ZC2HC1A: variants seen among roughly 807,000 people sequenced by gnomAD.
The protein encoded by ZC2HC1A is zinc finger C2HC domain-containing protein 1A.
Under a neutral mutation model 40.7 loss-of-function variants are expected in ZC2HC1A, and 28 were observed. The ratio of observed to expected loss-of-function variants is 0.69; its 90% CI spans 0.51 to 0.94. The LOEUF is 0.94. ZC2HC1A is among the 40% of genes least tolerant of loss of function. The pLI, the probability that ZC2HC1A is intolerant of heterozygous loss-of-function variation, is 0.00. For missense variants in ZC2HC1A, 389 were observed against 386.3 expected, an observed-to-expected ratio of 1.01 and a Z score of -0.06; for synonymous variants, 129 against 129.2, an observed-to-expected ratio of 1.00 and a Z score of 0.01.
intron 7 of ZC2HC1A, among the ~76,000 whole-genome samples, chr8:78,708,493 C>T (rs751114600): frequency 1.3e-5 from 2 of 151,710 alleles, no homozygotes; most frequent in African/African-American, 4.8e-5. Flanking sequence ...GCCTGGGCAA[C>T]ATAGTAAGAA....
chr8:78,683,883 T>G (rs2130471938), intron 3 of ZC2HC1A, among the ~76,000 whole-genome samples: 1 of 152,332 alleles, frequency 6.6e-6, no homozygotes, highest in Admixed American at 6.5e-5. Flanking sequence ...CAGATCTCTA[T>G]TGCAACAGCA....
At chr8:78,708,538 C>A (rs968992976) in intron 7 of ZC2HC1A, among the ~76,000 whole-genome samples, 1 of 151,698 alleles carries the variant, frequency 6.6e-6, no homozygotes, top group Non-Finnish European at 1.5e-5. Context: ...ACAAAAACAA[C>A]CTTTTTAAAC....
At chr8:78,706,767 A>G (rs1035258887) in intron 7 of ZC2HC1A, among the ~76,000 whole-genome samples, 1 of 152,166 alleles carries the variant, frequency 6.6e-6, no homozygotes, top group Non-Finnish European at 1.5e-5. Flanking sequence ...TATGTGGGAA[A>G]TATATACAAA....
At chr8:78,667,630 G>T (rs937101756) in intron 1 of ZC2HC1A, among the ~76,000 whole-genome samples, 4 of 152,080 alleles carry the variant, frequency 2.6e-5, no homozygotes, top group Admixed American at 2.0e-4. Context: ...CTGACACAAA[G>T]TAGGTACTCA....
At chr8:78,691,984 T>C (rs770428235) in intron 5 of ZC2HC1A, among the ~76,000 whole-genome samples, 6 of 152,192 alleles carry the variant, frequency 3.9e-5, no homozygotes, top group Non-Finnish European at 8.8e-5. Context: ...GTGCAATGAC[T>C]AAATCAAGCT....
rs1353359304 is a variant in ZC2HC1A, at chr8:78,719,596, G to T, written c.*2103G>T. On this transcript the variant is annotated 3_prime_UTR_variant, in exon 9 of 9. Transcript: ENST00000263849. ...TTGACAGTATGGTAGAATAAAAGAT[G>T]ATTGTAAGATTAAAAATGTAAAAAT... 2 of 151,718 alleles carry T rather than the reference G, an allele frequency of 1.3e-5. No homozygotes were observed. The highest frequency in any genetic ancestry group is 4.8e-5 in the African/African-American group (2 of 41,414). 9.4% of individuals were successfully genotyped at this position (151,718 alleles called of 1,614,324 possible). A position where few individuals can be genotyped will look rare whatever the true frequency, so the allele number is the denominator to read the frequency against.
At position 78,705,077 on chromosome 8, in the gene ZC2HC1A, C is replaced by T. The variant is rs77442309; in HGVS notation, c.704+6564C>T. 6.4e-3 allele frequency among the ~76,000 whole-genome samples: 977 copies of T among 152,248 alleles called. 7 individuals are homozygous for T. Among genetic ancestry groups the T allele is most frequent in the Non-Finnish European group, 0.011 (722 of 68,034 alleles). On this transcript the variant is annotated intron_variant, in intron 7 of 8. Transcript: ENST00000263849. ...TAGCTCAGTGAACTTCGTTCCTGTC[C>T]GTATCCTGAATTCTGCTTCTTTCAT...
At chr8:78,711,617 A>G (rs1359625982) in intron 7 of ZC2HC1A, among the ~76,000 whole-genome samples, 1 of 152,142 alleles carries the variant, frequency 6.6e-6, no homozygotes, top group Non-Finnish European at 1.5e-5. Context: ...GAAAGTTTCC[A>G]TGAATTCTGG....
At chr8:78,676,629 C>T (rs1357436927) in intron 2 of ZC2HC1A, among the ~76,000 whole-genome samples, 1 of 151,930 alleles carries the variant, frequency 6.6e-6, no homozygotes, top group Non-Finnish European at 1.5e-5. Flanking sequence ...CATCCTCTTA[C>T]TATTTCTAGT....
intron 1 of ZC2HC1A, among the ~76,000 whole-genome samples, chr8:78,675,274 T>C (rs1336651057): frequency 6.6e-6 from 1 of 151,888 alleles, no homozygotes; most frequent in African/African-American, 2.4e-5. Flanking sequence ...ATAATACATG[T>C]AATTTGCATA....
intron 3 of ZC2HC1A, 114 bp downstream of exon 3, chr8:78,678,793 A>T: frequency 1.7e-6 from 1 of 584,584 alleles, no homozygotes; most frequent in Non-Finnish European, 2.8e-6. Context: ...CTACATTAAG[A>T]TTAAAGAATA....
At chr8:78,670,369 T>A (rs965301325) in intron 1 of ZC2HC1A, among the ~76,000 whole-genome samples, 1 of 152,090 alleles carries the variant, frequency 6.6e-6, no homozygotes, top group Non-Finnish European at 1.5e-5. Context: ...AAAATGTAAG[T>A]TAGTGTTTCA....
intron 3 of ZC2HC1A, among the ~76,000 whole-genome samples, chr8:78,684,881 C>T (rs1809913755): frequency 6.6e-6 from 1 of 152,026 alleles, no homozygotes. Flanking sequence ...AAATATATCC[C>T]ATATTCTTGT....
At chr8:78,715,422 T>C in intron 8 of ZC2HC1A, 94 bp downstream of exon 8, 1 of 1,169,012 alleles carries the variant, frequency 8.6e-7, no homozygotes, top group Non-Finnish European at 1.2e-6. Context: ...ACAAGCTATT[T>C]ATAGAAAACC....
At chr8:78,716,196 C>T (rs892206067) in intron 8 of ZC2HC1A, among the ~76,000 whole-genome samples, 4 of 151,456 alleles carry the variant, frequency 2.6e-5, no homozygotes, top group South Asian at 2.1e-4. Flanking sequence ...AATCTCGGCT[C>T]ACTGCAAGCT....
chr8:78,689,743 T>C (rs1586000130), intron 5 of ZC2HC1A, among the ~76,000 whole-genome samples: 1 of 152,282 alleles, frequency 6.6e-6, no homozygotes, highest in Non-Finnish European at 1.5e-5. Context: ...AAGAATATTT[T>C]CTCCCATCCT....
chr8:78,687,874 A>T (rs1218394451), intron 4 of ZC2HC1A, among the ~76,000 whole-genome samples: 1 of 133,496 alleles, frequency 7.5e-6, no homozygotes, highest in Non-Finnish European at 1.6e-5. Flanking sequence ...CTATATAATA[A>T]ATATATATTT....
At chr8:78,713,352 A>G (rs1415636130) in intron 7 of ZC2HC1A, among the ~76,000 whole-genome samples, 1 of 152,134 alleles carries the variant, frequency 6.6e-6, no homozygotes, top group Non-Finnish European at 1.5e-5. Flanking sequence ...TCCTCTAAAT[A>G]TAAACATTTT....
At chr8:78,705,183 G>A (rs377437447) in intron 7 of ZC2HC1A, among the ~76,000 whole-genome samples, 2 of 152,324 alleles carry the variant, frequency 1.3e-5, no homozygotes, top group South Asian at 2.1e-4. Context: ...GTCACTTGGA[G>A]GAAAAGAGGG....
Sources: gnomAD v4.1 joint callset for allele counts (sites outside exome capture counted in the v4.1 genomes callset) on GRCh38, gnomAD v4.1.1 for gene constraint, MANE v1.5 for transcripts, NCBI Gene and HGNC (gene_info 2026-07-23, HGNC 2026-07-21) for gene names.